The following FKTN variants were observed in gnomAD, a reference collection of about 807,000 sequenced individuals.
The protein encoded by FKTN is fukutin, also known as ribitol-5-phosphate transferase FKTN.
Under a neutral mutation model 58.6 loss-of-function variants are expected in FKTN, and 47 were observed. That is an observed-to-expected ratio of 0.80 (90% CI 0.63 to 1.02). The LOEUF is 1.02. FKTN is among the 50% of genes least tolerant of loss of function. FKTN has a pLI of 0.00. For synonymous variants in FKTN, 178 were observed against 191.9 expected, an observed-to-expected ratio of 0.93 and a Z score of 0.60; for missense variants, 516 against 537.3, an observed-to-expected ratio of 0.96 and a Z score of 0.39.
At chr9:105,564,101 A>G (rs935559241) in intron 1 of FKTN, among the ~76,000 whole-genome samples, 4 of 152,260 alleles carry the variant, frequency 2.6e-5, no homozygotes, top group Admixed American at 2.0e-4. Flanking sequence ...GACTGTTAGA[A>G]GGAAAACTAA....
At chr9:105,585,879 G>C (rs1843806828) in intron 3 of FKTN, among the ~76,000 whole-genome samples, 2 of 152,212 alleles carry the variant, frequency 1.3e-5, no homozygotes, top group South Asian at 2.1e-4. Context: ...TAAAAACCAA[G>C]ATTCTAAGTC....
intron 6 of FKTN, among the ~76,000 whole-genome samples, chr9:105,605,188 C>G (rs1828672923): frequency 6.6e-6 from 1 of 151,988 alleles, no homozygotes; most frequent in African/African-American, 2.4e-5. Context: ...TATGTATACA[C>G]AGCTTCATAA....
chr9:105,564,955 A>G (rs1450012915), intron 1 of FKTN, among the ~76,000 whole-genome samples: 1 of 152,242 alleles, frequency 6.6e-6, no homozygotes, highest in Non-Finnish European at 1.5e-5. Flanking sequence ...ATCTCTCGGC[A>G]GGAACTCTAC....
At chr9:105,573,238 C>CA (rs34674142) in intron 1 of FKTN, among the ~76,000 whole-genome samples, 99,319 of 147,920 alleles carry the variant, frequency 0.67, 33,161 homozygotes, top group African/African-American at 0.74. Context: ...GACTCTGTCT[C>CA]AAAAAAAAAA....
intron 3 of FKTN, among the ~76,000 whole-genome samples, chr9:105,585,850 T>C (rs1396018491): frequency 1.3e-5 from 2 of 152,216 alleles, no homozygotes; most frequent in Non-Finnish European, 2.9e-5. Flanking sequence ...TGTGAAATTA[T>C]AGGTTAGCGT....
intron 7 of FKTN, among the ~76,000 whole-genome samples, chr9:105,613,080 T>C (rs74713169): frequency 0.031 from 4,729 of 152,268 alleles, 159 homozygotes; most frequent in African/African-American, 0.086. Flanking sequence ...TCAGACCTGA[T>C]GTTTTTGTAG....
chr9:105,635,247 G>GTTATCCAGTTA lies in FKTN; in HGVS notation c.1371_1381dup (p.Tyr461LeufsTer10), dbSNP rs727502847. ...CTGGCCTATTTCTGAGTGGGATGAGGTTATCCAGTTATATTGAGATAGTAG... is the reference window on the plus strand; with the variant it reads ...CTGGCCTATTTCTGAGTGGGATGAGGTTATCCAGTTATTATCCAGTTATATTGAGATAGTAG... On this transcript the variant is annotated frameshift_variant, in exon 11 of 11. Coordinates refer to ENST00000357998, the MANE Select transcript of FKTN (RefSeq NM_001079802.2). LOFTEE classifies it high-confidence loss of function. The GTTATCCAGTTA allele has an allele frequency of 4.3e-6, 7 of 1,614,048 alleles. No homozygotes were observed. The Middle Eastern group carries it at 1.2e-3, about 266-fold the overall frequency.
chr9:105,563,608 G>T (rs1254245778), intron 1 of FKTN, among the ~76,000 whole-genome samples: 1 of 152,008 alleles, frequency 6.6e-6, no homozygotes, highest in East Asian at 1.9e-4. Flanking sequence ...TGGGGGGGGG[G>T]GCACCCGCCA....
chr9:105,596,694 G>A (rs749595834), intron 4 of FKTN, 37 bp downstream of exon 4: 1 of 1,278,856 alleles, frequency 7.8e-7, no homozygotes, highest in East Asian at 2.3e-5. Flanking sequence ...CAATTATAAT[G>A]TTCATTTAGT....
At chr9:105,584,397 C>T (rs1166533645) in intron 3 of FKTN, among the ~76,000 whole-genome samples, 1 of 151,400 alleles carries the variant, frequency 6.6e-6, no homozygotes, top group Non-Finnish European at 1.5e-5. Context: ...GTTCAGGTAA[C>T]CTTTATATAC....
At chr9:105,601,514 A>C (rs1227844731) in intron 5 of FKTN, among the ~76,000 whole-genome samples, 166 bp downstream of exon 5, 1 of 152,198 alleles carries the variant, frequency 6.6e-6, no homozygotes, top group African/African-American at 2.4e-5. Flanking sequence ...TCACTAAGGC[A>C]AATAGGGGAT....
At chr9:105,577,917 T>G (rs1842057004) in intron 3 of FKTN, among the ~76,000 whole-genome samples, 1 of 151,456 alleles carries the variant, frequency 6.6e-6, no homozygotes, top group Non-Finnish European at 1.5e-5. Flanking sequence ...AGGTATTTTA[T>G]TCTCTTTGAA....
At chr9:105,578,080 G>A (rs1842093661) in intron 3 of FKTN, among the ~76,000 whole-genome samples, 1 of 151,902 alleles carries the variant, frequency 6.6e-6, no homozygotes, top group African/African-American at 2.4e-5. Flanking sequence ...CTGAGACAAT[G>A]GGGTTTTCTA....
chr9:105,563,490 C>T (rs1481318561), intron 1 of FKTN, among the ~76,000 whole-genome samples: 1 of 152,170 alleles, frequency 6.6e-6, no homozygotes, highest in African/African-American at 2.4e-5. Flanking sequence ...GCAAACAGCA[C>T]ACCAGGAGAT....
intron 7 of FKTN, among the ~76,000 whole-genome samples, chr9:105,612,241 A>C (rs116391378): frequency 6.6e-6 from 1 of 151,762 alleles, no homozygotes; most frequent in Non-Finnish European, 1.5e-5. Context: ...TTTTTCCTTG[A>C]AAATTTGTTT....
At chr9:105,621,848 G>A (rs932697191) in intron 10 of FKTN, among the ~76,000 whole-genome samples, 1 of 151,984 alleles carries the variant, frequency 6.6e-6, no homozygotes, top group African/African-American at 2.4e-5. Context: ...GTTTCCAGTA[G>A]TTTACTGTGA....
At chr9:105,632,025 C>G (rs1165208032) in intron 10 of FKTN, among the ~76,000 whole-genome samples, 12 of 150,314 alleles carry the variant, frequency 8.0e-5, no homozygotes, top group Non-Finnish European at 7.4e-5. Flanking sequence ...ACCCAAATGT[C>G]CAACAATGAT....
chr9:105,568,446 G>T (rs1840102149), intron 1 of FKTN, among the ~76,000 whole-genome samples: 1 of 151,722 alleles, frequency 6.6e-6, no homozygotes, highest in Non-Finnish European at 1.5e-5. Flanking sequence ...AAATTTACAA[G>T]AAAAAAACAA....
intron 1 of FKTN, among the ~76,000 whole-genome samples, chr9:105,565,344 A>G (rs1456843105): frequency 3.3e-5 from 5 of 152,210 alleles, no homozygotes; most frequent in Non-Finnish European, 7.3e-5. Context: ...AGTAAAAGAC[A>G]CAGACTGGCA....
Sources: allele counts gnomAD v4.1 joint callset (sites outside exome capture counted in the v4.1 genomes callset), GRCh38; gene constraint gnomAD v4.1.1; transcripts MANE v1.5; gene names NCBI Gene and HGNC (gene_info 2026-07-23, HGNC 2026-07-21).